The following LDLRAD3 variants were observed in gnomAD, a reference collection of about 807,000 sequenced individuals.
LDLRAD3 encodes low-density lipoprotein receptor class A domain-containing protein 3.
LDLRAD3 carries 20 observed loss-of-function variants against 29.4 expected under a neutral mutation model. That is an observed-to-expected ratio of 0.68 (90% CI 0.48 to 0.99). The LOEUF (loss-of-function observed/expected upper bound fraction) is 0.99. Among genes scored for constraint, LDLRAD3 ranks in the 50% least tolerant of loss-of-function variants. The pLI is 0.00. For synonymous variants in LDLRAD3, 157 were observed against 192.7 expected, an observed-to-expected ratio of 0.81 and a Z score of 1.53; for missense variants, 420 against 454.3, an observed-to-expected ratio of 0.92 and a Z score of 0.69.
intron 4 of LDLRAD3, among the ~76,000 whole-genome samples, chr11:36,212,793 ACT>A (rs536128379): frequency 1.1e-3 from 163 of 151,948 alleles, no homozygotes; most frequent in African/African-American, 3.6e-3. Flanking sequence ...ATTCTAAGAA[ACT>A]CTCTGGGGTG....
At chr11:35,962,824 A>C (rs1042087575) in intron 1 of LDLRAD3, among the ~76,000 whole-genome samples, 1 of 152,238 alleles carries the variant, frequency 6.6e-6, no homozygotes, top group Non-Finnish European at 1.5e-5. Flanking sequence ...TTCAGAACTC[A>C]ACGTGGGTGG....
intron 4 of LDLRAD3, among the ~76,000 whole-genome samples, chr11:36,191,583 T>TA (rs1169060810): frequency 9.8e-6 from 1 of 102,094 alleles, no homozygotes; most frequent in Non-Finnish European, 2.0e-5. Context: ...TCTCTATATA[T>TA]ATATATATAT....
chr11:36,039,478 G>C (rs1852353105), intron 2 of LDLRAD3, among the ~76,000 whole-genome samples: 1 of 148,508 alleles, frequency 6.7e-6, no homozygotes, highest in Non-Finnish European at 1.5e-5. Context: ...TCTCCAAAAT[G>C]GGGGTAATAA....
At chr11:36,186,204 T>G (rs75301673) in intron 4 of LDLRAD3, among the ~76,000 whole-genome samples, 1 of 152,204 alleles carries the variant, frequency 6.6e-6, no homozygotes, top group Non-Finnish European at 1.5e-5. Flanking sequence ...TCCCCATCTA[T>G]GAAGTGGAAA....
At chr11:36,027,452 A>G (rs1239015604) in intron 1 of LDLRAD3, among the ~76,000 whole-genome samples, 1 of 152,154 alleles carries the variant, frequency 6.6e-6, no homozygotes, top group East Asian at 1.9e-4. Flanking sequence ...CTTTGTTTAT[A>G]TCTATTGATG....
chr11:35,975,904 G>A (rs1278123403), intron 1 of LDLRAD3, among the ~76,000 whole-genome samples: 2 of 151,814 alleles, frequency 1.3e-5, no homozygotes, highest in Admixed American at 1.3e-4. Flanking sequence ...TGTGCTGATG[G>A]TGGTAGAGAC....
chr11:36,084,627 T>A (rs531660486), intron 3 of LDLRAD3, among the ~76,000 whole-genome samples: 4 of 152,356 alleles, frequency 2.6e-5, no homozygotes, highest in Non-Finnish European at 5.9e-5. Context: ...TATTTTTTAT[T>A]GAAGAATACC....
intron 4 of LDLRAD3, among the ~76,000 whole-genome samples, chr11:36,142,509 C>T (rs900922312): frequency 2.0e-5 from 3 of 152,216 alleles, no homozygotes; most frequent in African/African-American, 7.2e-5. Flanking sequence ...TTCAGCACCT[C>T]TTAGCCCTTT....
At position 36,098,410 on chromosome 11, in the gene LDLRAD3, C is replaced by T; in HGVS notation, c.403C>T (p.Gln135Ter). 3 of 1,614,180 alleles carry T rather than the reference C, an allele frequency of 1.9e-6. No individual in the cohort carries two copies. The Middle Eastern group carries it at 4.9e-4, about 266-fold the overall frequency. ...TGACAAGAGCTTCATCTGCGATGGA[C>T]AGAATAACTGTCAAGACAACAGTGA... ...CIDKSFICDG[Q>*]NNCQDNSDEE... Residue 135 changes from glutamine (Q) to a stop codon, truncating the protein, a stop_gained, in exon 4 of 6, where the codon CAG becomes TAG. Coordinates refer to ENST00000315571, the MANE Select transcript of LDLRAD3 (RefSeq NM_174902.4). LOFTEE classifies it high-confidence loss of function.
At chr11:36,131,003 G>A (rs778517155) in intron 4 of LDLRAD3, among the ~76,000 whole-genome samples, 1 of 152,218 alleles carries the variant, frequency 6.6e-6, no homozygotes, top group Non-Finnish European at 1.5e-5. Context: ...GGTGAGACCA[G>A]GCATCTCAGG....
At chr11:35,957,899 A>G (rs1048021528) in intron 1 of LDLRAD3, among the ~76,000 whole-genome samples, 1 of 152,140 alleles carries the variant, frequency 6.6e-6, no homozygotes, top group Non-Finnish European at 1.5e-5. Context: ...ATCCCTAAAA[A>G]CAGAAATTAC....
intron 1 of LDLRAD3, among the ~76,000 whole-genome samples, chr11:35,959,984 C>G (rs1251399661): frequency 1.3e-5 from 2 of 152,104 alleles, no homozygotes; most frequent in African/African-American, 4.8e-5. Flanking sequence ...TTTGCCTCAT[C>G]CCATTACTCT....
At chr11:35,974,415 C>T (rs1017262941) in intron 1 of LDLRAD3, among the ~76,000 whole-genome samples, 2 of 152,076 alleles carry the variant, frequency 1.3e-5, no homozygotes, top group Non-Finnish European at 2.9e-5. Flanking sequence ...TTATCACAAA[C>T]TCCATGTTTT....
intron 1 of LDLRAD3, among the ~76,000 whole-genome samples, chr11:36,030,113 T>C (rs567627774): frequency 6.6e-6 from 1 of 152,322 alleles, no homozygotes; most frequent in East Asian, 1.9e-4. Context: ...CAGGGTTGCC[T>C]GAAGAGTCTA....
intron 1 of LDLRAD3, among the ~76,000 whole-genome samples, chr11:36,024,814 C>T (rs561219883): frequency 4.3e-4 from 65 of 152,304 alleles, no homozygotes; most frequent in Middle Eastern, 3.4e-3. Context: ...TGTTGAGGGG[C>T]GAGGAGGCAG....
At chr11:36,115,400 G>A (rs185327060) in intron 4 of LDLRAD3, among the ~76,000 whole-genome samples, 6 of 152,310 alleles carry the variant, frequency 3.9e-5, no homozygotes, top group Admixed American at 2.6e-4. Context: ...CAGTGTGCTC[G>A]TCTTGATAGA....
intron 2 of LDLRAD3, among the ~76,000 whole-genome samples, chr11:36,050,414 G>A (rs1428719306): frequency 6.6e-6 from 1 of 152,218 alleles, no homozygotes; most frequent in Non-Finnish European, 1.5e-5. Context: ...CAGCAGGGCA[G>A]GCAGTCTGGT....
chr11:36,049,629 A>G (rs2133222072), intron 2 of LDLRAD3, among the ~76,000 whole-genome samples: 1 of 152,348 alleles, frequency 6.6e-6, no homozygotes, highest in East Asian at 1.9e-4. Context: ...CATAAAATGT[A>G]GGGAATGTCT....
intron 4 of LDLRAD3, among the ~76,000 whole-genome samples, chr11:36,122,433 A>T (rs1475644193): frequency 6.6e-6 from 1 of 152,174 alleles, no homozygotes; most frequent in Non-Finnish European, 1.5e-5. Context: ...AACAGGATTC[A>T]TCTCCTTAAT....
Sources: gnomAD v4.1 joint callset for allele counts (sites outside exome capture counted in the v4.1 genomes callset) on GRCh38, gnomAD v4.1.1 for gene constraint, MANE v1.5 for transcripts, NCBI Gene and HGNC (gene_info 2026-07-23, HGNC 2026-07-21) for gene names.